Variants in DENND6A observed in about 807,000 individuals in gnomAD.
The protein encoded by DENND6A is DENN domain containing 6A.
Under a neutral mutation model 95.5 loss-of-function variants are expected in DENND6A, and 43 were observed. The observed-to-expected ratio is 0.45, with a 90% CI of 0.35 to 0.58. The LOEUF is 0.58. Among genes scored for constraint, DENND6A ranks in the 20% least tolerant of loss-of-function variants. DENND6A has a pLI of 0.00. For synonymous variants in DENND6A, 257 were observed against 260.4 expected, an observed-to-expected ratio of 0.99 and a Z score of 0.13; for missense variants, 574 against 736.0, an observed-to-expected ratio of 0.78 and a Z score of 2.55.
rs532696782 is a variant in DENND6A, at chr3:57,685,296, ATTGT to A, written c.237+7482_237+7485del. ...GAAACTAAAAGTATCATTAAAAAAA[ATTGT>A]TTATTTATTTTAAAATAATAACCTA... On this transcript the variant is annotated intron_variant, in intron 1 of 19. Transcript: ENST00000311128. Among the ~76,000 whole-genome samples, 1,091 of 152,264 alleles carry A rather than the reference ATTGT, an allele frequency of 7.2e-3. 25 individuals carry two copies. The highest frequency in any genetic ancestry group is 0.025 in the African/African-American group (1,036 of 41,552).
intron 9 of DENND6A, among the ~76,000 whole-genome samples, chr3:57,657,128 G>C (rs1183711707): frequency 6.6e-6 from 1 of 152,134 alleles, no homozygotes; most frequent in African/African-American, 2.4e-5. Context: ...TAGCTGCTCT[G>C]GGTAAAGGCA....
At chr3:57,692,229 C>CAAAAAA (rs11303769) in intron 1 of DENND6A, among the ~76,000 whole-genome samples, 5 of 72,870 alleles carry the variant, frequency 6.9e-5, no homozygotes, top group African/African-American at 1.6e-4. Flanking sequence ...AACTCCGTCT[C>CAAAAAA]AAAAAAAAAA....
At chr3:57,642,960 C>T (rs1185170507) in intron 11 of DENND6A, among the ~76,000 whole-genome samples, 22 of 148,380 alleles carry the variant, frequency 1.5e-4, no homozygotes, top group African/African-American at 4.5e-4. Context: ...GAGCCAAGAT[C>T]GCGCCATCAC....
intron 8 of DENND6A, among the ~76,000 whole-genome samples, chr3:57,658,020 A>G (rs1244359824): frequency 6.6e-6 from 1 of 151,930 alleles, no homozygotes; most frequent in Non-Finnish European, 1.5e-5. Flanking sequence ...GCGGATCACA[A>G]GGTCAGGATA....
chr3:57,687,610 A>T (rs2077222112), intron 1 of DENND6A, among the ~76,000 whole-genome samples: 1 of 152,156 alleles, frequency 6.6e-6, no homozygotes, highest in Non-Finnish European at 1.5e-5. Flanking sequence ...AGCTAGAGAA[A>T]AGTCAATACC....
intron 11 of DENND6A, among the ~76,000 whole-genome samples, chr3:57,643,565 C>A (rs879294052): frequency 6.6e-6 from 1 of 151,906 alleles, no homozygotes; most frequent in African/African-American, 2.4e-5. Flanking sequence ...CGGTGGCTCA[C>A]GTCTGTAATC....
At position 57,660,314 on chromosome 3, in the gene DENND6A, AG is replaced by A. The variant is rs534581526; in HGVS notation, c.699+445del. 1.5e-4 allele frequency among the ~76,000 whole-genome samples: 23 copies of A among 151,594 alleles called. No individual in the cohort carries two copies. The East Asian group carries it at 4.3e-3, about 28-fold the overall frequency. On this transcript the variant is annotated intron_variant, in intron 7 of 19. Coordinates refer to ENST00000311128, the MANE Select transcript of DENND6A (RefSeq NM_152678.3). ...GGCTCAAGCAATATCCCAAGTACCT[AG>A]GACTACAGGTGTGCACCACCATGCC...
intron 1 of DENND6A, among the ~76,000 whole-genome samples, chr3:57,676,677 A>G (rs2071715074): frequency 2.0e-5 from 3 of 152,202 alleles, no homozygotes; most frequent in African/African-American, 7.2e-5. Context: ...CCAGTTAAAG[A>G]AAAATATTAA....
intron 12 of DENND6A, among the ~76,000 whole-genome samples, chr3:57,637,707 G>C (rs1438942171): frequency 1.5e-5 from 2 of 133,988 alleles, no homozygotes; most frequent in African/African-American, 5.7e-5. Flanking sequence ...AGATATATGA[G>C]ATTTCATGAC....
chr3:57,637,198 AACTTGATATTT>A (rs2070814363), intron 12 of DENND6A, among the ~76,000 whole-genome samples: 1 of 152,206 alleles, frequency 6.6e-6, no homozygotes, highest in South Asian at 2.1e-4. Context: ...GCATGGGCAG[AACTTGATATTT>A]ACCTGGTATG....
At position 57,692,683 on chromosome 3, in the gene DENND6A, G is replaced by A. The variant is rs1234490151; in HGVS notation, c.237+99C>T. 3.9e-5 allele frequency: 44 copies of A among 1,141,470 alleles called. 1 individual carries two copies. The highest frequency in any genetic ancestry group is 4.9e-5 in the Non-Finnish European group (42 of 863,304). 70.7% of individuals were successfully genotyped at this position (1,141,470 alleles called of 1,614,324 possible). On this transcript the variant is annotated intron_variant, in intron 1 of 19. Coordinates refer to ENST00000311128, the MANE Select transcript of DENND6A (RefSeq NM_152678.3). ...GACTGGCCACGCCCGGATGCGCCGC[G>A]GACAGGGTCCTGGCCGGTCAGCCCG...
rs780575360 is a variant in DENND6A at position 57,641,772 on chromosome 3, AT to A, written c.1038-26del. The A allele has an allele frequency of 5.1e-6, 8 of 1,573,010 alleles. No individual in the cohort carries two copies. In the Admixed American group the frequency reaches 1.1e-4, roughly 21 times the overall value. On this transcript the variant is annotated intron_variant, in intron 11 of 19. Coordinates refer to ENST00000311128, the MANE Select transcript of DENND6A (RefSeq NM_152678.3). ...CCTATAAAAAACAAAACAAAACAAA[AT>A]AAAAAAGGTGAGAAAAAGATGAATG...
At chr3:57,640,069 G>A (rs2070890438) in intron 12 of DENND6A, among the ~76,000 whole-genome samples, 1 of 151,168 alleles carries the variant, frequency 6.6e-6, no homozygotes, top group South Asian at 2.1e-4. Flanking sequence ...TGGAGTTTGA[G>A]ACCAAACTGG....
At chr3:57,650,726 C>G (rs1277391394) in intron 9 of DENND6A, among the ~76,000 whole-genome samples, 2 of 151,900 alleles carry the variant, frequency 1.3e-5, no homozygotes, top group Admixed American at 6.6e-5. Flanking sequence ...AAAGTGTAAA[C>G]CATCCAAACC....
Position 57,627,049 on chromosome 3 carries a change from A to T in DENND6A, c.*1165T>A, listed in dbSNP as rs185766652. ...AAATAAGAATAGTTCAGTTTAAAAAAATAGCTGATTATGAGATTTATAATT... is the reference window on the plus strand; with the variant it reads ...AAATAAGAATAGTTCAGTTTAAAAATATAGCTGATTATGAGATTTATAATT... On this transcript the variant is annotated 3_prime_UTR_variant, in exon 20 of 20. Coordinates refer to ENST00000311128, the MANE Select transcript of DENND6A (RefSeq NM_152678.3). The T allele has an allele frequency of 6.6e-6, 1 of 152,230 alleles. No individual in the cohort carries two copies. Among genetic ancestry groups the T allele is most frequent in the Middle Eastern group, 3.2e-3 (1 of 316 alleles). 9.4% of individuals were successfully genotyped at this position (152,230 alleles called of 1,614,324 possible).
At chr3:57,681,342 T>C (rs1450806974) in intron 1 of DENND6A, among the ~76,000 whole-genome samples, 1 of 151,922 alleles carries the variant, frequency 6.6e-6, no homozygotes, top group Non-Finnish European at 1.5e-5. Flanking sequence ...CGGGCACCTG[T>C]AGTCCCAGCT....
chr3:57,629,714 G>C (rs926229529), intron 18 of DENND6A, among the ~76,000 whole-genome samples: 11 of 150,594 alleles, frequency 7.3e-5, no homozygotes, highest in African/African-American at 2.4e-4. Context: ...AGTAGAGATG[G>C]GGTTTCACCG....
intron 3 of DENND6A, among the ~76,000 whole-genome samples, chr3:57,671,588 G>C (rs1288210232): frequency 1.3e-5 from 2 of 150,970 alleles, no homozygotes; most frequent in Non-Finnish European, 2.9e-5. Context: ...CTCTGCTATA[G>C]GGTTATAACT....
chr3:57,691,394 T>A (rs1236594805), intron 1 of DENND6A, among the ~76,000 whole-genome samples: 3 of 152,226 alleles, frequency 2.0e-5, no homozygotes, highest in Non-Finnish European at 4.4e-5. Context: ...TTTGGCCTTA[T>A]CAGCTACTAT....
Sources: gnomAD v4.1 joint callset for allele counts (sites outside exome capture counted in the v4.1 genomes callset) on GRCh38, gnomAD v4.1.1 for gene constraint, MANE v1.5 for transcripts, NCBI Gene and HGNC (gene_info 2026-07-23, HGNC 2026-07-21) for gene names.